NID1: variants seen among roughly 807,000 people sequenced by gnomAD.
NID1 encodes the protein nidogen 1.
In NID1, 76 loss-of-function variants were observed where a neutral mutation model predicts 130.6. The ratio of observed to expected loss-of-function variants is 0.58; its 90% CI spans 0.48 to 0.70. The LOEUF is 0.70. NID1 is among the 30% of genes least tolerant of loss of function. NID1 has a pLI of 0.00. For missense variants in NID1, 1,517 were observed against 1,664.8 expected (o/e 0.91, Z 1.54); for synonymous variants, 665 against 675.1 (o/e 0.98, Z 0.23).
intron 9 of NID1, among the ~76,000 whole-genome samples, chr1:236,022,169 A>G (rs1052731074): frequency 6.6e-6 from 1 of 152,140 alleles, no homozygotes; most frequent in African/African-American, 2.4e-5. Flanking sequence ...CAGGAGGCTG[A>G]GGTGGGAGGA....
intron 9 of NID1, among the ~76,000 whole-genome samples, chr1:236,023,715 G>T (rs1444863570): frequency 6.6e-6 from 1 of 152,132 alleles, no homozygotes; most frequent in East Asian, 1.9e-4. Flanking sequence ...ATGTTGTGAA[G>T]CACTTAGTTC....
intron 3 of NID1, 91 bp downstream of exon 3, chr1:236,045,366 C>T (rs958485323): frequency 5.7e-6 from 5 of 883,314 alleles, no homozygotes; most frequent in Non-Finnish European, 8.8e-6. Flanking sequence ...TCCATAGGAA[C>T]ATTTTTAGGT....
intron 5 of NID1, among the ~76,000 whole-genome samples, chr1:236,034,553 G>A (rs771487164): frequency 5.3e-5 from 8 of 152,112 alleles, no homozygotes; most frequent in Admixed American, 2.0e-4. Flanking sequence ...GTCATGTATT[G>A]TACGATTCTA....
intron 11 of NID1, among the ~76,000 whole-genome samples, chr1:236,012,954 T>C (rs796770346): frequency 1.3e-5 from 2 of 152,374 alleles, no homozygotes; most frequent in African/African-American, 4.8e-5. Flanking sequence ...TTGAGTCATT[T>C]ATACTTTGAC....
intron 6 of NID1, among the ~76,000 whole-genome samples, chr1:236,030,944 CTG>C (rs1659080576): frequency 6.6e-6 from 1 of 152,056 alleles, no homozygotes; most frequent in African/African-American, 2.4e-5. Context: ...GGAGTGGGGT[CTG>C]TGAGTTTGAC....
At chr1:235,990,838 GGTCACTGAAGCAGGAGCT>G in intron 14 of NID1, 30 bp downstream of exon 14, 3 of 1,605,308 alleles carry the variant, frequency 1.9e-6, no homozygotes, top group Non-Finnish European at 1.7e-6. Flanking sequence ...TGTTTTTCCA[GGTCACTGAAGCAGGAGCT>G]GTCACCAGGT....
intron 15 of NID1, among the ~76,000 whole-genome samples, chr1:235,983,307 G>C (rs753439576): frequency 6.6e-5 from 10 of 152,186 alleles, no homozygotes; most frequent in Non-Finnish European, 1.5e-4. Context: ...AAGAAAGCCC[G>C]CCAGAGGAAG....
At chr1:235,996,225 A>C (rs916177919) in intron 12 of NID1, among the ~76,000 whole-genome samples, 1 of 152,164 alleles carries the variant, frequency 6.6e-6, no homozygotes, top group African/African-American at 2.4e-5. Flanking sequence ...GCACACAGGA[A>C]TAACCCATAG....
intron 4 of NID1, among the ~76,000 whole-genome samples, chr1:236,039,051 T>C (rs952737757): frequency 7.4e-6 from 1 of 134,884 alleles, no homozygotes; most frequent in Middle Eastern, 3.6e-3. Flanking sequence ...ATTTACATTA[T>C]ATATTTATAT....
At chr1:236,002,452 G>A (rs1345342820) in intron 12 of NID1, among the ~76,000 whole-genome samples, 1 of 152,162 alleles carries the variant, frequency 6.6e-6, no homozygotes, top group Non-Finnish European at 1.5e-5. Context: ...GCAGTGAGCC[G>A]AGATGGCACC....
Position 235,999,424 on chromosome 1 carries a change from T to C in NID1, c.2528-5552A>G, listed in dbSNP as rs1658015948. Among the ~76,000 whole-genome samples, 3 of 152,126 alleles carry C rather than the reference T, an allele frequency of 2.0e-5. No individual in the cohort carries two copies. In the South Asian group the frequency reaches 6.2e-4, roughly 32 times the overall value. The stretch of plus-strand genomic sequence containing the variant: ...CAAGTGAGTTTATAAAAAGCTGTGA[T>C]CTCGGTGGACTTTCTGGGCCAGCAG... On this transcript the variant is annotated intron_variant, in intron 12 of 19. Coordinates refer to ENST00000264187, the MANE Select transcript of NID1 (RefSeq NM_002508.3).
intron 1 of NID1, among the ~76,000 whole-genome samples, chr1:236,056,318 C>T (rs1020375632): frequency 1.3e-5 from 2 of 152,078 alleles, no homozygotes; most frequent in Admixed American, 1.3e-4. Flanking sequence ...TTTTTGTGTT[C>T]GTGAAGACCC....
At chr1:236,030,037 C>A (rs986484488) in intron 6 of NID1, among the ~76,000 whole-genome samples, 1 of 152,164 alleles carries the variant, frequency 6.6e-6, no homozygotes, top group Non-Finnish European at 1.5e-5. Flanking sequence ...GGACTCCCAG[C>A]TGTGCTAGGC....
intron 4 of NID1, among the ~76,000 whole-genome samples, chr1:236,040,443 G>A (rs1659418145): frequency 6.6e-6 from 1 of 152,142 alleles, no homozygotes; most frequent in African/African-American, 2.4e-5. Flanking sequence ...ACTGCTGTGA[G>A]ATAAATCAGA....
intron 12 of NID1, among the ~76,000 whole-genome samples, chr1:236,004,390 A>AGC (rs747499794): frequency 6.6e-6 from 1 of 152,226 alleles, no homozygotes; most frequent in Non-Finnish European, 1.5e-5. Context: ...GGAAAGCCCC[A>AGC]GCGCTAACAG....
At chr1:236,013,996 A>G (rs1337420304) in intron 10 of NID1, among the ~76,000 whole-genome samples, 1 of 152,204 alleles carries the variant, frequency 6.6e-6, no homozygotes. Context: ...TGGTGTCTTC[A>G]GCCTTGGCCC....
rs369822374 is a variant in NID1 at position 236,032,469 on chromosome 1, A to G, written c.1469T>C (p.Val490Ala). The G allele has an allele frequency of 6.2e-6, 10 of 1,614,020 alleles. No individual in the cohort carries two copies. In the Admixed American group the frequency reaches 8.3e-5, roughly 13 times the overall value. The change falls in exon 6 of 20, where the codon GTT (valine) becomes GCT (alanine). Residue 490 changes from valine to alanine, a missense_variant. Coordinates refer to ENST00000264187, the MANE Select transcript of NID1 (RefSeq NM_002508.3). ...VGYSLLPLAP[V>A]GGIIGWMFAV... ...AAACATCCATCCAATGATGCCTCCA[A>G]CTGGGGCCAGTGGAAGCAGAGAATA...
At chr1:236,002,111 A>C (rs1658093079) in intron 12 of NID1, among the ~76,000 whole-genome samples, 1 of 152,390 alleles carries the variant, frequency 6.6e-6, no homozygotes, top group East Asian at 1.9e-4. Context: ...TCAGTGGCAC[A>C]GTGGGAGAAG....
intron 12 of NID1, among the ~76,000 whole-genome samples, chr1:236,011,296 C>CTTTTTTTTT (rs3077493): frequency 7.4e-6 from 1 of 135,948 alleles, no homozygotes. Flanking sequence ...CAAATATATT[C>CTTTTTTTTT]TTTTTTTTTC....
Sources: allele counts gnomAD v4.1 joint callset (sites outside exome capture counted in the v4.1 genomes callset), GRCh38; gene constraint gnomAD v4.1.1; transcripts MANE v1.5; gene names NCBI Gene and HGNC (gene_info 2026-07-23, HGNC 2026-07-21).